Variants in KIAA1217 observed in about 807,000 individuals in gnomAD.
The protein encoded by KIAA1217 is KIAA1217.
A neutral mutation model predicts 163.9 loss-of-function variants in KIAA1217; 88 were observed. The ratio of observed to expected loss-of-function variants is 0.54; its 90% CI spans 0.45 to 0.64. KIAA1217 has a LOEUF of 0.64. Ranked by LOEUF, KIAA1217 falls within the 30% of genes least tolerant of loss-of-function variation. The pLI, the probability that KIAA1217 is intolerant of heterozygous loss-of-function variation, is 0.00. For missense variants in KIAA1217, 2,372 were observed against 2,475.0 expected, an observed-to-expected ratio of 0.96 and a Z score of 0.88; for synonymous variants, 903 against 923.1, an observed-to-expected ratio of 0.98 and a Z score of 0.39.
chr10:24,486,014 C>T (rs1214466898), intron 6 of KIAA1217, among the ~76,000 whole-genome samples: 2 of 152,236 alleles, frequency 1.3e-5, no homozygotes, highest in East Asian at 3.8e-4. Flanking sequence ...GCTGTCTCCC[C>T]AACCCTGCGT....
chr10:23,739,346 C>G (rs1406659169), intron 1 of KIAA1217, among the ~76,000 whole-genome samples: 1 of 152,124 alleles, frequency 6.6e-6, no homozygotes, highest in African/African-American at 2.4e-5. Context: ...GCAATATGAG[C>G]ATGTAACAAA....
chr10:23,731,970 T>C lies in KIAA1217; in HGVS notation c.-321+36736T>C, dbSNP rs539856546. Among the ~76,000 whole-genome samples, 17 of 152,280 alleles carry C rather than the reference T, an allele frequency of 1.1e-4. No individual in the cohort carries two copies. In the South Asian group the frequency reaches 3.5e-3, roughly 32 times the overall value. ...ATAAATCTCACTTGGTTGTGGTGTATAACTCTTGTTATACATTGTTGGATT... is the reference window on the plus strand; with the variant it reads ...ATAAATCTCACTTGGTTGTGGTGTACAACTCTTGTTATACATTGTTGGATT... On this transcript the variant is annotated intron_variant, in intron 1 of 18. Transcript: ENST00000376462.
At position 23,864,537 on chromosome 10, in the gene KIAA1217, C is replaced by G. The variant is rs919189238; in HGVS notation, c.-320-142688C>G. On this transcript the variant is annotated intron_variant, in intron 1 of 18. Transcript: ENST00000376462. ...GTACACACACCAACACACACACACA[C>G]ACACACACACACACATGAATACCCA... 4.3e-3 allele frequency among the ~76,000 whole-genome samples: 645 copies of G among 151,612 alleles called. 5 individuals carry two copies. The highest frequency in any genetic ancestry group is 0.015 in the African/African-American group (602 of 41,270).
chr10:24,223,573 C>T (rs561662006), intron 2 of KIAA1217, among the ~76,000 whole-genome samples: 6 of 152,288 alleles, frequency 3.9e-5, no homozygotes, highest in Non-Finnish European at 7.3e-5. Context: ...ATACCAGATG[C>T]TCTTCTGGCA....
chr10:23,967,905 G>A (rs960493714), intron 1 of KIAA1217, among the ~76,000 whole-genome samples: 2 of 144,136 alleles, frequency 1.4e-5, no homozygotes, highest in Non-Finnish European at 3.0e-5. Context: ...TTAAATGTGT[G>A]TGTGTGTGTG....
rs1564422730 is a variant in KIAA1217, at chr10:23,790,320, CACATATGCATATATGCATATAT to C, written c.-321+95115_-321+95136del. 2.0e-4 allele frequency among the ~76,000 whole-genome samples: 2 copies of C among 9,968 alleles called. 1 individual carries two copies. The highest frequency in any genetic ancestry group is 2.4e-3 in the East Asian group (2 of 844). 6.5% of individuals were successfully genotyped at this position (9,968 alleles called of 152,430 possible). ...ATGCACATATGCATATATACATATG[CACATATGCATATATGCATATAT>C]ACATATGCATATATGCATATATACA... On this transcript the variant is annotated intron_variant, in intron 1 of 18. Coordinates refer to the KIAA1217 transcript ENST00000376462.
At chr10:24,086,310 C>CA (rs2061696743) in intron 2 of KIAA1217, among the ~76,000 whole-genome samples, 1 of 152,232 alleles carries the variant, frequency 6.6e-6, no homozygotes, top group African/African-American at 2.4e-5. Context: ...GACAATATTT[C>CA]AAACTGGAGT....
At chr10:23,777,567 C>T (rs1327674598) in intron 1 of KIAA1217, among the ~76,000 whole-genome samples, 2 of 152,158 alleles carry the variant, frequency 1.3e-5, no homozygotes, top group African/African-American at 4.8e-5. Flanking sequence ...GGTTACAGGT[C>T]TCTGCTTATG....
intron 3 of KIAA1217, among the ~76,000 whole-genome samples, chr10:24,404,345 C>T (rs1269697373): frequency 6.6e-6 from 1 of 152,032 alleles, no homozygotes; most frequent in Non-Finnish European, 1.5e-5. Context: ...AAGGTGGGCA[C>T]ATCACAAGGT....
chr10:24,263,740 C>T (rs759572539), intron 2 of KIAA1217, among the ~76,000 whole-genome samples: 1 of 152,106 alleles, frequency 6.6e-6, no homozygotes, highest in African/African-American at 2.4e-5. Flanking sequence ...TTTCATGTTA[C>T]GAGATGCCTC....
At chr10:24,279,660 A>G (rs1476527605) in intron 2 of KIAA1217, among the ~76,000 whole-genome samples, 32 of 152,222 alleles carry the variant, frequency 2.1e-4, no homozygotes, top group Admixed American at 2.0e-3. Context: ...AGAGCTTCTC[A>G]TTATGAATCT....
At chr10:24,266,985 C>T (rs1476150142) in intron 2 of KIAA1217, among the ~76,000 whole-genome samples, 2 of 152,154 alleles carry the variant, frequency 1.3e-5, no homozygotes, top group Non-Finnish European at 2.9e-5. Flanking sequence ...GACCACGAAC[C>T]CACCAGAAGG....
intron 1 of KIAA1217, among the ~76,000 whole-genome samples, chr10:23,750,379 C>A (rs999351386): frequency 4.6e-5 from 7 of 152,160 alleles, no homozygotes; most frequent in African/African-American, 1.7e-4. Flanking sequence ...TCCAGCAGTC[C>A]TAAGAATTCA....
rs746198989 is a variant in KIAA1217, at chr10:24,473,919, A to C, written c.1538A>C (p.Lys513Thr). ...RASPSRQAFKKEPGTLVYIEK... is the reference protein window; with the variant it reads ...RASPSRQAFKTEPGTLVYIEK... ...TCTCCGAGCCGCCAGGCCTTTAAAA[A>C]GGAGCCAGGCACCTTGGTGTATATA... Residue 513 changes from lysine (K) to threonine (T), a missense_variant, in exon 6 of 21, where the codon AAG becomes ACG. Transcript: ENST00000376454. 6.2e-7 allele frequency: 1 copy of C among 1,614,224 alleles called. No homozygotes were observed. Among genetic ancestry groups the C allele is most frequent in the Non-Finnish European group, 8.5e-7 (1 of 1,180,040 alleles).
At chr10:24,003,256 A>C (rs1428484160) in intron 1 of KIAA1217, among the ~76,000 whole-genome samples, 1 of 152,190 alleles carries the variant, frequency 6.6e-6, no homozygotes, top group Non-Finnish European at 1.5e-5. Flanking sequence ...TAGTTGTACT[A>C]GTTTACATTC....
chr10:24,102,928 G>T (rs537891467), intron 2 of KIAA1217, among the ~76,000 whole-genome samples: 1 of 152,138 alleles, frequency 6.6e-6, no homozygotes, highest in African/African-American at 2.4e-5. Context: ...CTGTGCTCAG[G>T]GCAGTGATTA....
chr10:23,712,021 G>C (rs2130737492), intron 1 of KIAA1217, among the ~76,000 whole-genome samples: 1 of 152,216 alleles, frequency 6.6e-6, no homozygotes, highest in South Asian at 2.1e-4. Flanking sequence ...CATTGTCAGA[G>C]AATGACCTTC....
intron 3 of KIAA1217, among the ~76,000 whole-genome samples, chr10:24,421,593 T>C (rs2058738292): frequency 6.6e-6 from 1 of 152,228 alleles, no homozygotes; most frequent in African/African-American, 2.4e-5. Context: ...CTTCTAACAT[T>C]TCATCACTGA....
At chr10:24,071,395 C>T (rs74963761) in intron 2 of KIAA1217, among the ~76,000 whole-genome samples, 275 of 152,248 alleles carry the variant, frequency 1.8e-3, no homozygotes, top group African/African-American at 6.4e-3. Flanking sequence ...CTAATGTTAG[C>T]TTTCCTCTTT....
Sources: gnomAD v4.1 joint callset for allele counts (sites outside exome capture counted in the v4.1 genomes callset) on GRCh38, gnomAD v4.1.1 for gene constraint, MANE v1.5 for transcripts, NCBI Gene and HGNC (gene_info 2026-07-23, HGNC 2026-07-21) for gene names.